Variants in C13orf42 observed in about 807,000 individuals in gnomAD.
The protein encoded by C13orf42 is chromosome 13 open reading frame 42.
At chr13:51,100,416 C>A (rs1953277017) in intron 1 of C13orf42, among the ~76,000 whole-genome samples, 1 of 151,838 alleles carries the variant, frequency 6.6e-6, no homozygotes, top group Non-Finnish European at 1.5e-5. Flanking sequence ...CTCAAAAATC[C>A]CTGTAAGTAA....
intron 1 of C13orf42, among the ~76,000 whole-genome samples, chr13:51,092,127 C>G (rs1027975926): frequency 6.6e-6 from 1 of 152,172 alleles, no homozygotes; most frequent in Non-Finnish European, 1.5e-5. Flanking sequence ...CAGTTTATGC[C>G]TGTTATCCCA....
intron 1 of C13orf42, among the ~76,000 whole-genome samples, chr13:51,140,115 T>C (rs539987417): frequency 5.3e-5 from 8 of 152,348 alleles, no homozygotes; most frequent in Admixed American, 2.0e-4. Flanking sequence ...GATAGGTGCA[T>C]ATCTGATTTG....
chr13:51,094,655 T>A (rs1174412084), intron 1 of C13orf42, among the ~76,000 whole-genome samples: 5 of 152,246 alleles, frequency 3.3e-5, no homozygotes, highest in Admixed American at 3.3e-4. Flanking sequence ...TTTATTGTAC[T>A]ACAGGTCTGC....
At chr13:51,109,418 T>A (rs1390514943) in intron 1 of C13orf42, among the ~76,000 whole-genome samples, 4 of 152,138 alleles carry the variant, frequency 2.6e-5, no homozygotes, top group Non-Finnish European at 5.9e-5. Flanking sequence ...GATGGAAGTA[T>A]ACAACAAAAC....
chr13:51,156,451 G>C (rs1953824914), intron 1 of C13orf42, among the ~76,000 whole-genome samples: 1 of 152,132 alleles, frequency 6.6e-6, no homozygotes, highest in African/African-American at 2.4e-5. Flanking sequence ...GGCACAGAGA[G>C]GTCAAGGAAC....
At chr13:51,164,811 G>A (rs1196046637) in intron 1 of C13orf42, among the ~76,000 whole-genome samples, 1 of 152,206 alleles carries the variant, frequency 6.6e-6, no homozygotes, top group Non-Finnish European at 1.5e-5. Flanking sequence ...GATGACATTA[G>A]CCAGAGCAAT....
chr13:51,133,876 A>G (rs190071786), intron 1 of C13orf42, among the ~76,000 whole-genome samples: 1 of 152,328 alleles, frequency 6.6e-6, no homozygotes, highest in East Asian at 1.9e-4. Flanking sequence ...GCTGAGCAAC[A>G]TGGAGTTTTA....
chr13:51,117,509 T>C (rs1323134100), intron 1 of C13orf42, among the ~76,000 whole-genome samples: 1 of 152,246 alleles, frequency 6.6e-6, no homozygotes, highest in Non-Finnish European at 1.5e-5. Flanking sequence ...TGAATGCTTA[T>C]GCTTCCTTAT....
chr13:51,171,655 C>T (rs1013925421), intron 1 of C13orf42, among the ~76,000 whole-genome samples: 6 of 152,134 alleles, frequency 3.9e-5, no homozygotes, highest in Admixed American at 2.6e-4. Flanking sequence ...CTTACAGTTT[C>T]GTTCGGTGAC....
intron 1 of C13orf42, among the ~76,000 whole-genome samples, chr13:51,159,816 C>CA (rs1953850866): frequency 6.6e-6 from 1 of 152,118 alleles, no homozygotes. Context: ...TGTATTAGTT[C>CA]ATTTTGACGC....
chr13:51,147,373 G>A (rs1953743487), intron 1 of C13orf42, among the ~76,000 whole-genome samples: 1 of 152,178 alleles, frequency 6.6e-6, no homozygotes, highest in Admixed American at 6.5e-5. Context: ...CCCAGTCATG[G>A]CTCTGCTGAC....
chr13:51,136,119 A>T (rs1953655769), intron 1 of C13orf42, among the ~76,000 whole-genome samples: 1 of 151,876 alleles, frequency 6.6e-6, no homozygotes, highest in Non-Finnish European at 1.5e-5. Flanking sequence ...CAGGCCTCCC[A>T]CTGGGCGACC....
In C13orf42 at chr13:51,101,116, A is replaced by C. The variant is rs150157784; in HGVS notation, c.414+9680T>G. On this transcript the variant is annotated intron_variant, in intron 1 of 3. Coordinates refer to ENST00000563710, the MANE Select transcript of C13orf42 (RefSeq NM_001351589.3). The stretch of plus-strand genomic sequence containing the variant: ...AGTTGAAGACTAATTTCAGATAAAC[A>C]ATGAATAATTTTTCATATAAATACA... Among the ~76,000 whole-genome samples, 198 of 152,344 alleles carry C rather than the reference A, an allele frequency of 1.3e-3. 1 individual carries two copies. The highest frequency in any genetic ancestry group is 4.0e-3 in the African/African-American group (168 of 41,584).
intron 1 of C13orf42, among the ~76,000 whole-genome samples, chr13:51,157,138 T>C (rs1002723181): frequency 6.6e-6 from 1 of 152,126 alleles, no homozygotes; most frequent in Non-Finnish European, 1.5e-5. Context: ...CCTTTCCCCA[T>C]CAATTCCCAC....
At chr13:51,085,247 C>T in intron 3 of C13orf42, 72 bp downstream of exon 3, 1 of 391,672 alleles carries the variant, frequency 2.6e-6, no homozygotes. Flanking sequence ...GCTGGAGGCA[C>T]CTTAAGGATC....
chr13:51,163,694 ATC>A (rs2138050634), intron 1 of C13orf42, among the ~76,000 whole-genome samples: 1 of 152,188 alleles, frequency 6.6e-6, no homozygotes, highest in African/African-American at 2.4e-5. Flanking sequence ...TAAGGAGTGA[ATC>A]TCCAGGCTGG....
chr13:51,092,673 A>G (rs1029490418), intron 1 of C13orf42, among the ~76,000 whole-genome samples: 1 of 152,108 alleles, frequency 6.6e-6, no homozygotes, highest in Non-Finnish European at 1.5e-5. Context: ...ATTAAAATAC[A>G]TGATTATAAA....
intron 1 of C13orf42, among the ~76,000 whole-genome samples, chr13:51,121,162 A>C (rs1012489403): frequency 6.6e-6 from 1 of 152,204 alleles, no homozygotes; most frequent in Non-Finnish European, 1.5e-5. Context: ...TCCTGCACTC[A>C]GAAGGGCGCG....
intron 1 of C13orf42, among the ~76,000 whole-genome samples, chr13:51,109,860 G>A (rs1020598381): frequency 2.0e-5 from 3 of 152,102 alleles, no homozygotes; most frequent in African/African-American, 4.8e-5. Context: ...ACTGAGCCTC[G>A]GTTTTCCCTT....
Sources: gnomAD v4.1 joint callset for allele counts (sites outside exome capture counted in the v4.1 genomes callset) on GRCh38, gnomAD v4.1.1 for gene constraint, MANE v1.5 for transcripts, NCBI Gene and HGNC (gene_info 2026-07-23, HGNC 2026-07-21) for gene names.